Variants in SUGP1 observed in about 807,000 individuals in gnomAD.
SUGP1 encodes the protein SURP and G-patch domain containing 1, also known as SURP and G-patch domain-containing protein 1.
SUGP1 carries 34 observed loss-of-function variants against 76.5 expected under a neutral mutation model. The observed-to-expected ratio is 0.44, with a 90% CI of 0.34 to 0.59. The LOEUF (loss-of-function observed/expected upper bound fraction) is 0.59. Among genes scored for constraint, SUGP1 ranks in the 20% least tolerant of loss-of-function variants. SUGP1 has a pLI of 0.01. For missense variants in SUGP1, 752 were observed against 851.7 expected (o/e 0.88, Z 1.46); for synonymous variants, 326 against 326.2 (o/e 1.00, Z 0.01).
intron 2 of SUGP1, among the ~76,000 whole-genome samples, chr19:19,313,056 T>C (rs2061364385): frequency 6.6e-6 from 1 of 151,476 alleles, no homozygotes; most frequent in Non-Finnish European, 1.5e-5. Flanking sequence ...TAAAACAGTA[T>C]CTACAGTGTG....
chr19:19,302,715 T>C (rs746020517), intron 6 of SUGP1, among the ~76,000 whole-genome samples: 5 of 152,132 alleles, frequency 3.3e-5, no homozygotes, highest in Non-Finnish European at 5.9e-5. Context: ...TAGGGGGTGC[T>C]GTTGGGCCTC....
At chr19:19,283,368 G>A (rs978310668) in intron 8 of SUGP1, among the ~76,000 whole-genome samples, 1 of 151,974 alleles carries the variant, frequency 6.6e-6, no homozygotes, top group Non-Finnish European at 1.5e-5. Context: ...CACCTCCCGG[G>A]TTCAAACAAA....
chr19:19,320,445 G>C lies in SUGP1; in HGVS notation c.34+18C>G, dbSNP rs1320395588. 3 of 1,609,320 alleles carry C rather than the reference G, an allele frequency of 1.9e-6. No individual in the cohort carries two copies. The highest frequency in any genetic ancestry group is 2.5e-6 in the Non-Finnish European group (3 of 1,178,234). On this transcript the variant is annotated intron_variant, in intron 1 of 13. Coordinates refer to ENST00000247001, the MANE Select transcript of SUGP1 (RefSeq NM_172231.4). The stretch of plus-strand genomic sequence containing the variant: ...CAGGGACCCAGGCGGCCGCCTGAGA[G>C]GAGGCGGGGGCTGTTACCTGCAACA...
At chr19:19,297,493 T>C in intron 7 of SUGP1, 149 bp from the exon 8 acceptor site, 2 of 521,528 alleles carry the variant, frequency 3.8e-6, no homozygotes, top group Non-Finnish European at 6.4e-6. Flanking sequence ...CATGACCTCC[T>C]GCCCTGCCAG....
At chr19:19,293,395 C>T (rs1038402287) in intron 8 of SUGP1, among the ~76,000 whole-genome samples, 11 of 151,192 alleles carry the variant, frequency 7.3e-5, no homozygotes, top group Admixed American at 2.6e-4. Flanking sequence ...ACCAGCCTGG[C>T]CAACATGGTG....
At chr19:19,315,603 G>A (rs558292522) in intron 2 of SUGP1, among the ~76,000 whole-genome samples, 1 of 152,288 alleles carries the variant, frequency 6.6e-6, no homozygotes, top group African/African-American at 2.4e-5. Flanking sequence ...CAGCAGCTCA[G>A]GCTGGCCCTC....
At chr19:19,310,445 T>C (rs1204529620) in intron 2 of SUGP1, among the ~76,000 whole-genome samples, 1 of 152,198 alleles carries the variant, frequency 6.6e-6, no homozygotes, top group African/African-American at 2.4e-5. Context: ...CAATACTCCA[T>C]GTATTATCTC....
rs55707664 is a variant in SUGP1 at position 19,311,726 on chromosome 19, CAAAA to C, written c.207-1530_207-1527del. On this transcript the variant is annotated intron_variant, in intron 2 of 13. Transcript: ENST00000247001. Reference sequence around the variant, plus strand: ...TGGGCGACAGAGCGAGACTCTGTCTCAAAAAAAAAAAAAAAAAAAAAAAGAAATG... The same window carrying C: ...TGGGCGACAGAGCGAGACTCTGTCTCAAAAAAAAAAAAAAAAAAAGAAATG... Among the ~76,000 whole-genome samples the C allele has an allele frequency of 1.5e-3, 114 of 77,270 alleles. 1 individual carries two copies. In the East Asian group the frequency reaches 0.021, roughly 14 times the overall value. 50.7% of individuals were successfully genotyped at this position (77,270 alleles called of 152,430 possible). A position where few individuals can be genotyped will look rare whatever the true frequency, so the allele number is the denominator to read the frequency against.
At chr19:19,291,889 T>TCACTCACA (rs1555788750) in intron 8 of SUGP1, among the ~76,000 whole-genome samples, 11 of 128,638 alleles carry the variant, frequency 8.6e-5, no homozygotes, top group African/African-American at 2.9e-4. Context: ...TGAGACTCTG[T>TCACTCACA]CACACACACA....
At chr19:19,294,671 G>A (rs2023883) in intron 8 of SUGP1, among the ~76,000 whole-genome samples, 29,753 of 151,746 alleles carry the variant, frequency 0.2, 3,170 homozygotes, top group South Asian at 0.35. Flanking sequence ...AGAAAAAATA[G>A]ATACATTTGA....
rs907395583 is a variant in SUGP1 at position 19,280,050 on chromosome 19, G to T, written c.1350+135C>A. ...GACCTGCCTGCCTGGAAGCCTCCCC[G>T]CTGGCCATGGGTTCCACCTGAACAC... On this transcript the variant is annotated intron_variant, in intron 9 of 13. Coordinates refer to ENST00000247001, the MANE Select transcript of SUGP1 (RefSeq NM_172231.4). 4 of 820,574 alleles carry T rather than the reference G, an allele frequency of 4.9e-6. No homozygotes were observed. In the Admixed American group the frequency reaches 8.1e-5, roughly 17 times the overall value. 50.8% of individuals were successfully genotyped at this position (820,574 alleles called of 1,614,324 possible). A position where few individuals can be genotyped will look rare whatever the true frequency, so the allele number is the denominator to read the frequency against.
chr19:19,316,380 G>T (rs1318288013), intron 2 of SUGP1, 42 bp downstream of exon 2: 11 of 1,609,800 alleles, frequency 6.8e-6, no homozygotes, highest in Non-Finnish European at 8.5e-6. Context: ...GACCCTCAAA[G>T]ACTCACATCC....
At position 19,276,767 on chromosome 19, in the gene SUGP1, G is replaced by A. The variant is rs560201550; in HGVS notation, c.1912-93C>T. The stretch of plus-strand genomic sequence containing the variant: ...GAACCTTCCGGAGGCAGCTGAGCCC[G>A]CACCCTTGAGGTGGCAGGGCAGGCT... On this transcript the variant is annotated intron_variant, in intron 13 of 13. Transcript: ENST00000247001. The A allele has an allele frequency of 3.5e-5, 56 of 1,584,158 alleles. No homozygotes were observed. In the Admixed American group the frequency reaches 4.6e-4, roughly 13 times the overall value.
chr19:19,297,597 TC>T (rs1045777017), intron 7 of SUGP1, among the ~76,000 whole-genome samples: 1 of 152,056 alleles, frequency 6.6e-6, no homozygotes, highest in Non-Finnish European at 1.5e-5. Context: ...CAGGCACCCA[TC>T]ACACTGTCAT....
At chr19:19,300,670 G>A (rs1033783369) in intron 7 of SUGP1, among the ~76,000 whole-genome samples, 17 of 152,276 alleles carry the variant, frequency 1.1e-4, no homozygotes, top group Non-Finnish European at 2.1e-4. Context: ...TTCCTGGTCC[G>A]GCTCTGGCTC....
chr19:19,300,148 T>C (rs1026364332), intron 7 of SUGP1, among the ~76,000 whole-genome samples: 2 of 152,138 alleles, frequency 1.3e-5, no homozygotes, highest in South Asian at 4.1e-4. Flanking sequence ...TCATCTCGGC[T>C]CACTGCAACC....
At chr19:19,318,882 A>G (rs2061414599) in intron 1 of SUGP1, among the ~76,000 whole-genome samples, 2 of 152,190 alleles carry the variant, frequency 1.3e-5, no homozygotes, top group East Asian at 3.9e-4. Context: ...GACAGGGAAG[A>G]CACCTCAGAG....
Position 19,276,626 on chromosome 19 carries a change from A to C in SUGP1, c.*22T>G, listed in dbSNP as rs1248209266. The C allele has an allele frequency of 1.2e-6, 2 of 1,614,082 alleles. No homozygotes were observed. The highest frequency in any genetic ancestry group is 2.2e-5 in the South Asian group (2 of 91,078). On this transcript the variant is annotated 3_prime_UTR_variant, in exon 14 of 14. Coordinates refer to ENST00000247001, the MANE Select transcript of SUGP1 (RefSeq NM_172231.4). ...AGTCCAGGGACGGTTGGTCATTCAG[A>C]AAGTATGTATTTCCAGAACACTCAG...
At chr19:19,319,279 C>T (rs1255570259) in intron 1 of SUGP1, among the ~76,000 whole-genome samples, 1 of 152,036 alleles carries the variant, frequency 6.6e-6, no homozygotes, top group Non-Finnish European at 1.5e-5. Flanking sequence ...CAGATGGTTC[C>T]CCTCCCTTCT....
Sources: gnomAD v4.1 joint callset for allele counts (sites outside exome capture counted in the v4.1 genomes callset) on GRCh38, gnomAD v4.1.1 for gene constraint, MANE v1.5 for transcripts, NCBI Gene and HGNC (gene_info 2026-07-23, HGNC 2026-07-21) for gene names.